SMAD6: variants seen among roughly 807,000 people sequenced by gnomAD.
The protein encoded by SMAD6 is MAD homolog 6.
SMAD6 carries 103 observed loss-of-function variants against 39.4 expected under a neutral mutation model. That is an observed-to-expected ratio of 2.62 (90% CI 2.23 to 3.08). The LOEUF is 3.08. Ranked by LOEUF, SMAD6 falls within the 30% of genes most tolerant of loss-of-function variation. SMAD6 has a pLI of 0.00. For missense variants in SMAD6, 1,104 were observed against 742.9 expected (o/e 1.49, Z -5.65); for synonymous variants, 445 against 353.3 (o/e 1.26, Z -2.91).
Position 66,718,111 on chromosome 15 carries a change from C to CGTGTGTGTGTGTGTGTGTGTGT in SMAD6, c.952+1632_952+1653dup, listed in dbSNP as rs57053370. Among the ~76,000 whole-genome samples, 186 of 137,254 alleles carry CGTGTGTGTGTGTGTGTGTGTGT rather than the reference C, an allele frequency of 1.4e-3. 6 individuals carry two copies. Among genetic ancestry groups the CGTGTGTGTGTGTGTGTGTGTGT allele is most frequent in the African/African-American group, 4.9e-3 (171 of 35,028 alleles). The allele number at this position is 137,254 out of a possible 152,430, so 90.0% of individuals were successfully genotyped here. ...TCCCTATTGTTAATGATGGAAAGTC[C>CGTGTGTGTGTGTGTGTGTGTGT]GTGTGTGTGTGTGTGTGTGTGTGTG... On this transcript the variant is annotated intron_variant, in intron 3 of 3. Coordinates refer to ENST00000288840, the MANE Select transcript of SMAD6 (RefSeq NM_005585.5).
rs564939628 is a variant in SMAD6 at position 66,747,851 on chromosome 15, G to T, written c.952+31353G>T. On this transcript the variant is annotated intron_variant, in intron 3 of 3. Coordinates refer to ENST00000288840, the MANE Select transcript of SMAD6 (RefSeq NM_005585.5). This position sits in a 1 kb window ranked among gnomAD's most constrained non-coding sequence, Gnocchi z 4.5. ...GACTGACAGCAGCCATCTGTCCCTC[G>T]TAGGAACCCTTAATCCTTCCCATTC... Among the ~76,000 whole-genome samples the T allele has an allele frequency of 1.3e-5, 2 of 152,216 alleles. No homozygotes were observed. Among genetic ancestry groups the T allele is most frequent in the Admixed American group, 1.3e-4 (2 of 15,284 alleles).
intron 3 of SMAD6, among the ~76,000 whole-genome samples, chr15:66,728,098 C>T (rs1057045904): frequency 6.6e-6 from 1 of 152,144 alleles, no homozygotes; most frequent in Non-Finnish European, 1.5e-5. Flanking sequence ...GGTGATCCAC[C>T]TGCCTTGGCC....
At chr15:66,719,346 G>A (rs912766375) in intron 3 of SMAD6, among the ~76,000 whole-genome samples, 12 of 152,194 alleles carry the variant, frequency 7.9e-5, no homozygotes, top group African/African-American at 2.4e-4. Context: ...TTTAAGTACC[G>A]GGGAAGGGGA....
At chr15:66,741,772 G>A (rs932156392) in intron 3 of SMAD6, among the ~76,000 whole-genome samples, 2 of 152,220 alleles carry the variant, frequency 1.3e-5, no homozygotes, top group Non-Finnish European at 2.9e-5. Context: ...ACATTCTGCA[G>A]CTGTCACCAC....
intron 3 of SMAD6, among the ~76,000 whole-genome samples, chr15:66,773,190 A>G (rs1206222787): frequency 7.1e-6 from 1 of 141,348 alleles, no homozygotes; most frequent in Non-Finnish European, 1.6e-5. Flanking sequence ...TCTAGGAGCC[A>G]AAGGTGCTGG....
intron 3 of SMAD6, among the ~76,000 whole-genome samples, chr15:66,772,538 T>C (rs1161540262): frequency 6.6e-6 from 1 of 152,206 alleles, no homozygotes; most frequent in African/African-American, 2.4e-5. Context: ...TATCATATAA[T>C]TTATATACAC....
rs998310496 is a variant in SMAD6, at chr15:66,702,886, G to A, written c.-373G>A. 2 of 193,870 alleles carry A rather than the reference G, an allele frequency of 1.0e-5. No individual in the cohort carries two copies. The highest frequency in any genetic ancestry group is 1.2e-4 in the Admixed American group (2 of 16,320). The allele number at this position is 193,870 out of a possible 1,614,324, so 12.0% of individuals were successfully genotyped here. On this transcript the variant is annotated 5_prime_UTR_variant, in exon 1 of 4. Coordinates refer to ENST00000288840, the MANE Select transcript of SMAD6 (RefSeq NM_005585.5). ...TTCGCGCGAGCGCTTTGTGCTCATG[G>A]ACCAGCCGCACAACTTTTGAAGGCT... is the stretch of plus-strand genomic sequence containing the variant.
At chr15:66,708,885 C>G (rs1167813786) in intron 1 of SMAD6, 1 of 374,476 alleles carries the variant, frequency 2.7e-6, no homozygotes, top group Admixed American at 3.2e-5. Context: ...ACTCAAAAAC[C>G]ACTGAATGGT....
At chr15:66,710,107 C>T (rs1893198783) in intron 1 of SMAD6, among the ~76,000 whole-genome samples, 1 of 152,154 alleles carries the variant, frequency 6.6e-6, no homozygotes, top group Non-Finnish European at 1.5e-5. Context: ...GACTGGAATC[C>T]CAGCTCCACC....
intron 3 of SMAD6, among the ~76,000 whole-genome samples, chr15:66,773,678 G>A (rs185896772): frequency 2.0e-5 from 3 of 152,190 alleles, no homozygotes; most frequent in Non-Finnish European, 2.9e-5. Context: ...GGCATGACAC[G>A]GGACAGAAGA....
At position 66,759,334 on chromosome 15, in the gene SMAD6, G is replaced by A. The variant is rs916166371; in HGVS notation, c.953-21663G>A. Among the ~76,000 whole-genome samples the A allele has an allele frequency of 2.6e-5, 3 of 117,422 alleles. No homozygotes were observed. The Admixed American group carries it at 3.1e-4, about 12-fold the overall frequency. 77.0% of individuals were successfully genotyped at this position (117,422 alleles called of 152,430 possible). ...AGTGCACAGACCTACTGGACAGAGAGGAAGAGAGAGAGAGAGAGAGAGAGA... is the reference window on the plus strand; with the variant it reads ...AGTGCACAGACCTACTGGACAGAGAAGAAGAGAGAGAGAGAGAGAGAGAGA... On this transcript the variant is annotated intron_variant, in intron 3 of 3. Coordinates refer to ENST00000288840, the MANE Select transcript of SMAD6 (RefSeq NM_005585.5).
chr15:66,750,133 G>A (rs1244796561), intron 3 of SMAD6, among the ~76,000 whole-genome samples: 1 of 152,088 alleles, frequency 6.6e-6, no homozygotes, highest in Non-Finnish European at 1.5e-5. Context: ...TTGCAACCCT[G>A]CCCTGGAATG....
In SMAD6 at chr15:66,781,207, G is replaced by T. The variant is rs1280005731; in HGVS notation, c.1163G>T (p.Gly388Val). 5 of 1,608,344 alleles carry T rather than the reference G, an allele frequency of 3.1e-6. No homozygotes were observed. The highest frequency in any genetic ancestry group is 1.7e-6 in the Non-Finnish European group (2 of 1,179,694). Residue 388 changes from glycine to valine, a missense_variant, in exon 4 of 4, where the codon GGC (glycine) becomes GTC (valine). By Grantham distance (109) the Gly-to-Val change is moderately radical. Transcript: ENST00000288840. ...GTGCGGCGAACGCGCAGCAAGATCG[G>T]CTTCGGCATCCTGCTCAGCAAGGAG... Reference protein sequence around the residue: ...ESVRRTRSKIGFGILLSKEPD... With the variant: ...ESVRRTRSKIVFGILLSKEPD...
At chr15:66,753,743 T>C (rs147230402) in intron 3 of SMAD6, among the ~76,000 whole-genome samples, 11 of 152,302 alleles carry the variant, frequency 7.2e-5, no homozygotes, top group African/African-American at 2.4e-4. Context: ...ATTTACATTT[T>C]TTTTTCTTCC....
chr15:66,752,838 T>A (rs1360085910), intron 3 of SMAD6, among the ~76,000 whole-genome samples: 1 of 151,964 alleles, frequency 6.6e-6, no homozygotes, highest in African/African-American at 2.4e-5. Context: ...TTTATAAAAA[T>A]CTGAATATTT....
intron 3 of SMAD6, among the ~76,000 whole-genome samples, chr15:66,739,878 G>T (rs1417163262): frequency 6.6e-6 from 1 of 152,150 alleles, no homozygotes; most frequent in Non-Finnish European, 1.5e-5. Context: ...AGGCTCCAGC[G>T]CTCCTCCCAC....
chr15:66,755,502 C>T (rs752291906), intron 3 of SMAD6, among the ~76,000 whole-genome samples: 2 of 152,194 alleles, frequency 1.3e-5, no homozygotes. Context: ...AGGTATTGAA[C>T]CATCCTTGAA....
At chr15:66,779,183 C>T (rs893792603) in intron 3 of SMAD6, among the ~76,000 whole-genome samples, 2 of 152,156 alleles carry the variant, frequency 1.3e-5, no homozygotes, top group African/African-American at 4.8e-5. Context: ...CCTGCTGGGA[C>T]TGGCCTGATG....
chr15:66,712,688 C>T (rs1425038520), intron 2 of SMAD6, among the ~76,000 whole-genome samples: 1 of 49,328 alleles, frequency 2.0e-5, no homozygotes, highest in African/African-American at 7.1e-5. Context: ...AATTCTGTCT[C>T]AAAAAAAAAA....
Sources: gnomAD v4.1 joint callset for allele counts (sites outside exome capture counted in the v4.1 genomes callset) on GRCh38, gnomAD v4.1.1 for gene constraint, Gnocchi (gnomAD v3.1) non-coding constraint, MANE v1.5 for transcripts, NCBI Gene and HGNC (gene_info 2026-07-23, HGNC 2026-07-21) for gene names.